MARCHF1: variants seen among roughly 807,000 people sequenced by gnomAD.
The protein encoded by MARCHF1 is membrane associated ring-CH-type finger 1.
Under a neutral mutation model 54.2 loss-of-function variants are expected in MARCHF1, and 40 were observed. That is an observed-to-expected ratio of 0.74 (90% confidence interval 0.57 to 0.96). MARCHF1 has a LOEUF of 0.96. Ranked by LOEUF, MARCHF1 falls within the 40% of genes least tolerant of loss-of-function variation. The pLI, the probability that MARCHF1 is intolerant of heterozygous loss-of-function variation, is 0.00. For synonymous variants in MARCHF1, 236 were observed against 236.3 expected (o/e 1.00, Z 0.01); for missense variants, 586 against 656.5 (o/e 0.89, Z 1.17).
intron 3 of MARCHF1, among the ~76,000 whole-genome samples, chr4:163,865,412 T>C (rs1433459235): frequency 6.6e-6 from 1 of 151,902 alleles, no homozygotes; most frequent in Non-Finnish European, 1.5e-5. Flanking sequence ...GTTCTGATTG[T>C]AATAACTTTG....
intron 5 of MARCHF1, among the ~76,000 whole-genome samples, chr4:163,626,009 G>C (rs1741858410): frequency 6.6e-6 from 1 of 152,160 alleles, no homozygotes. Flanking sequence ...TTGAAATGGG[G>C]CTGGGAAGGG....
intron 7 of MARCHF1, among the ~76,000 whole-genome samples, chr4:163,596,495 G>A (rs1461502135): frequency 7.7e-6 from 1 of 129,692 alleles, no homozygotes; most frequent in Non-Finnish European, 1.5e-5. Context: ...AGCCGAGATT[G>A]TACCACTGCA....
At chr4:163,699,253 A>G (rs1285162585) in intron 5 of MARCHF1, among the ~76,000 whole-genome samples, 3 of 151,730 alleles carry the variant, frequency 2.0e-5, no homozygotes, top group Admixed American at 1.3e-4. Context: ...AAGCACACAC[A>G]TTGACTGATA....
Position 163,612,916 on chromosome 4 carries a change from C to G in MARCHF1, c.365G>C (p.Arg122Thr). The part of the protein sequence containing the change: ...KSVIQRPRRR[R>T]KASERYEHAA... ...ATGCTCATATCTCTCAGAGGCTTTT[C>G]TCCTCCTCCTAGGTCTTTGTATTAC... The change falls in exon 7 of 10, where the codon AGA becomes ACA. Residue 122 changes from arginine (R) to threonine (T), a missense_variant. By Grantham distance (71) the Arg-to-Thr change is moderately conservative. Coordinates refer to ENST00000514618, the MANE Select transcript of MARCHF1 (RefSeq NM_001394959.1). 1 of 1,535,430 alleles carries G rather than the reference C, an allele frequency of 6.5e-7. No individual in the cohort carries two copies. The highest frequency in any genetic ancestry group is 8.7e-7 in the Non-Finnish European group (1 of 1,146,478).
intron 1 of MARCHF1, among the ~76,000 whole-genome samples, chr4:164,292,899 T>C (rs753565924): frequency 1.8e-4 from 27 of 152,172 alleles, no homozygotes; most frequent in Non-Finnish European, 3.4e-4. Context: ...ATCAACGTGA[T>C]TCCTCCCTAA....
intron 5 of MARCHF1, among the ~76,000 whole-genome samples, chr4:163,620,594 CACACACACACACAGAGAGAG>C (rs1178480253): frequency 4.3e-5 from 4 of 92,912 alleles, no homozygotes; most frequent in African/African-American, 2.3e-4. Flanking sequence ...CACACACACA[CACACACACACACAGAGAGAG>C]AGAGAGAGAG....
rs1738162359 is a variant in MARCHF1, at chr4:163,527,577, T to TCTGA, written c.*1167_*1170dup. 1 of 152,076 alleles carries TCTGA rather than the reference T, an allele frequency of 6.6e-6. No individual in the cohort carries two copies. Among genetic ancestry groups the TCTGA allele is most frequent in the Admixed American group, 6.6e-5 (1 of 15,236 alleles). The allele number at this position is 152,076 out of a possible 1,614,324, so 9.4% of individuals were successfully genotyped here. A position where few individuals can be genotyped will look rare whatever the true frequency, so the allele number is the denominator to read the frequency against. On this transcript the variant is annotated 3_prime_UTR_variant, in exon 10 of 10. Coordinates refer to ENST00000514618, the MANE Select transcript of MARCHF1 (RefSeq NM_001394959.1). ...TTACCCTTTAGAGATGTGAACTTCATCTGACTTTAAAATGAGGACACTTAA... is the reference window on the plus strand; with the variant it reads ...TTACCCTTTAGAGATGTGAACTTCATCTGACTGACTTTAAAATGAGGACACTTAA...
intron 8 of MARCHF1, among the ~76,000 whole-genome samples, chr4:163,576,822 G>GTTT (rs35903039): frequency 1.3e-5 from 2 of 150,090 alleles, no homozygotes; most frequent in East Asian, 2.0e-4. Context: ...CATTTTTACT[G>GTTT]TTTTTTTTTA....
At chr4:164,229,632 T>G (rs2111175076) in intron 1 of MARCHF1, among the ~76,000 whole-genome samples, 1 of 152,204 alleles carries the variant, frequency 6.6e-6, no homozygotes, top group East Asian at 1.9e-4. Flanking sequence ...GAAAAGAGGT[T>G]TAATTGGCTG....
At chr4:163,645,131 C>G (rs74631673) in intron 5 of MARCHF1, among the ~76,000 whole-genome samples, 1,929 of 152,252 alleles carry the variant, frequency 0.013, 41 homozygotes, top group African/African-American at 0.043. Flanking sequence ...CCATTGTCTT[C>G]AGACTCAAAA....
chr4:163,975,196 T>TCACA (rs1176500866), intron 3 of MARCHF1, among the ~76,000 whole-genome samples: 6 of 119,130 alleles, frequency 5.0e-5, no homozygotes, highest in African/African-American at 2.0e-4. Flanking sequence ...TCTCTCTCTC[T>TCACA]CACACACACA....
rs756101226 is a variant in MARCHF1, at chr4:163,528,810, G to T, written c.1576C>A (p.Gln526Lys). Reference sequence around the variant, plus strand: ...GATGGCAGTGAATTTGCACCTGTTTGTGGTACAGGCACTACCACAGCATCT... The same window carrying T: ...GATGGCAGTGAATTTGCACCTGTTTTTGGTACAGGCACTACCACAGCATCT... ...IKDAVVVPVP[Q>K]TGANSLPSAE... The change falls in exon 10 of 10, where the codon CAA (glutamine) becomes AAA (lysine). Residue 526 changes from glutamine to lysine, a missense_variant. Gln to Lys is a moderately conservative substitution (Grantham distance 53). Transcript: ENST00000514618. The T allele has an allele frequency of 1.2e-6, 2 of 1,613,244 alleles. No individual in the cohort carries two copies. The highest frequency in any genetic ancestry group is 1.7e-5 in the Admixed American group (1 of 59,886).
intron 4 of MARCHF1, among the ~76,000 whole-genome samples, chr4:163,764,293 C>T (rs930605074): frequency 6.6e-6 from 1 of 151,948 alleles, no homozygotes; most frequent in Non-Finnish European, 1.5e-5. Flanking sequence ...AACTAGTAGA[C>T]AGAAGAGCCA....
chr4:164,327,186 T>C (rs571842916), intron 1 of MARCHF1, among the ~76,000 whole-genome samples: 24 of 152,260 alleles, frequency 1.6e-4, no homozygotes, highest in African/African-American at 5.8e-4. Context: ...AATAAGGAGA[T>C]GAACAAGTTA....
chr4:164,170,788 A>T (rs1325195725), intron 1 of MARCHF1, among the ~76,000 whole-genome samples: 1 of 152,152 alleles, frequency 6.6e-6, no homozygotes, highest in African/African-American at 2.4e-5. Flanking sequence ...GTAGGAAAAA[A>T]TTTATTCAAA....
intron 1 of MARCHF1, among the ~76,000 whole-genome samples, chr4:164,372,886 A>T (rs1266309352): frequency 6.6e-6 from 1 of 152,106 alleles, no homozygotes; most frequent in Non-Finnish European, 1.5e-5. Context: ...TTATTTATTT[A>T]TTCAGTTGGT....
At chr4:163,722,655 G>A (rs1745512284) in intron 4 of MARCHF1, among the ~76,000 whole-genome samples, 2 of 152,084 alleles carry the variant, frequency 1.3e-5, no homozygotes, top group Admixed American at 6.6e-5. Flanking sequence ...ATTATTTTGT[G>A]GGAGTCTAAA....
intron 2 of MARCHF1, among the ~76,000 whole-genome samples, chr4:164,006,898 C>T (rs1043442661): frequency 1.5e-5 from 2 of 137,318 alleles, no homozygotes; most frequent in African/African-American, 2.7e-5. Context: ...TATAAATGAG[C>T]GATAAAACCT....
chr4:163,553,337 G>T (rs999473291), intron 8 of MARCHF1, among the ~76,000 whole-genome samples: 1 of 152,186 alleles, frequency 6.6e-6, no homozygotes, highest in African/African-American at 2.4e-5. Context: ...AGATTAATGC[G>T]TCATGCTGAT....
Sources: allele counts gnomAD v4.1 joint callset (sites outside exome capture counted in the v4.1 genomes callset), GRCh38; gene constraint gnomAD v4.1.1; transcripts MANE v1.5; gene names NCBI Gene and HGNC (gene_info 2026-07-23, HGNC 2026-07-21).